Variants in AUTS2 observed in about 807,000 individuals in gnomAD.
The protein encoded by AUTS2 is activator of transcription and developmental regulator AUTS2.
A neutral mutation model predicts 112.4 loss-of-function variants in AUTS2; 17 were observed. The observed-to-expected ratio is 0.15, with a 90% confidence interval of 0.10 to 0.23. AUTS2 has a LOEUF of 0.23. Ranked by LOEUF, AUTS2 falls within the 10% of genes least tolerant of loss-of-function variation. AUTS2 has a pLI of 1.00. For synonymous variants in AUTS2, 751 were observed against 702.7 expected (o/e 1.07, Z -1.09); for missense variants, 1,510 against 1,701.6 (o/e 0.89, Z 1.98).
intron 4 of AUTS2, among the ~76,000 whole-genome samples, chr7:70,300,952 C>G (rs908111057): frequency 6.6e-6 from 1 of 152,182 alleles, no homozygotes; most frequent in African/African-American, 2.4e-5. Flanking sequence ...CCTTTTCAAG[C>G]TCTTAAGAGT....
chr7:70,481,745 A>G (rs1797796014), intron 5 of AUTS2, among the ~76,000 whole-genome samples: 1 of 152,194 alleles, frequency 6.6e-6, no homozygotes, highest in Admixed American at 6.5e-5. Context: ...TTGGGGTCCT[A>G]TCTGACGCCA....
chr7:70,427,193 G>A (rs997262147), intron 4 of AUTS2, among the ~76,000 whole-genome samples: 1 of 152,132 alleles, frequency 6.6e-6, no homozygotes, highest in African/African-American at 2.4e-5. Context: ...AGGCAAGTAC[G>A]GATTAATGCT....
intron 1 of AUTS2, among the ~76,000 whole-genome samples, chr7:69,722,483 A>G (rs373913268): frequency 5.3e-5 from 8 of 151,200 alleles, no homozygotes; most frequent in East Asian, 2.0e-4. Flanking sequence ...CTCAAACGCT[A>G]CCACACCCAG....
intron 2 of AUTS2, among the ~76,000 whole-genome samples, chr7:69,920,524 A>G (rs187031884): frequency 6.6e-6 from 1 of 152,086 alleles, no homozygotes; most frequent in Admixed American, 6.6e-5. Context: ...GAGCTCAGAG[A>G]ATCTACCTGC....
intron 1 of AUTS2, among the ~76,000 whole-genome samples, chr7:69,796,251 C>G (rs1789835593): frequency 1.3e-5 from 2 of 152,168 alleles, no homozygotes; most frequent in Non-Finnish European, 2.9e-5. Flanking sequence ...GGTGTGGTAA[C>G]TCACTCCTGT....
chr7:70,636,511 T>C (rs567163069), intron 5 of AUTS2, among the ~76,000 whole-genome samples: 9 of 152,334 alleles, frequency 5.9e-5, no homozygotes, highest in Admixed American at 1.3e-4. Flanking sequence ...CCCCCTCTTA[T>C]GGATACATTT....
chr7:70,494,591 A>C (rs1382760891), intron 5 of AUTS2, among the ~76,000 whole-genome samples: 1 of 146,670 alleles, frequency 6.8e-6, no homozygotes, highest in Non-Finnish European at 1.5e-5. Context: ...CCCGACACTC[A>C]GATCCCTTCA....
At chr7:69,972,752 A>C (rs1023144096) in intron 2 of AUTS2, among the ~76,000 whole-genome samples, 2 of 151,516 alleles carry the variant, frequency 1.3e-5, no homozygotes, top group African/African-American at 2.4e-5. Flanking sequence ...GGAAAAGACT[A>C]TTCTTTCTCC....
At chr7:70,689,320 G>A (rs1423491551) in intron 5 of AUTS2, among the ~76,000 whole-genome samples, 2 of 152,190 alleles carry the variant, frequency 1.3e-5, no homozygotes, top group East Asian at 3.9e-4. Flanking sequence ...GGTCGAGGCT[G>A]TAGTGAGCTG....
At chr7:69,755,575 G>C (rs1449307789) in intron 1 of AUTS2, among the ~76,000 whole-genome samples, 1 of 152,076 alleles carries the variant, frequency 6.6e-6, no homozygotes, top group Non-Finnish European at 1.5e-5. Context: ...TTTTTCCTGG[G>C]AATACTTGAG....
At chr7:70,769,005 C>G (rs144849548) in intron 10 of AUTS2, among the ~76,000 whole-genome samples, 1 of 151,204 alleles carries the variant, frequency 6.6e-6, no homozygotes, top group Non-Finnish European at 1.5e-5. Flanking sequence ...AGAAGTGCTA[C>G]TTTAATAGAT....
In AUTS2 at chr7:70,766,743, A is replaced by G. The variant is rs1032043787; in HGVS notation, c.1689+409A>G. Among the ~76,000 whole-genome samples, 5 of 152,282 alleles carry G rather than the reference A, an allele frequency of 3.3e-5. No individual in the cohort carries two copies. Among genetic ancestry groups the G allele is most frequent in the African/African-American group, 1.2e-4 (5 of 41,540 alleles). ...GCAGGGTAATGGGGGTGAAGAAGAG[A>G]GAAGAGAAGGGAGAGAGACCTCTGC... On this transcript the variant is annotated intron_variant, in intron 9 of 18. Coordinates refer to ENST00000342771, the MANE Select transcript of AUTS2 (RefSeq NM_015570.4). The surrounding 1 kb of genome is among the most constrained non-coding windows in gnomAD (Gnocchi z 4.8).
intron 13 of AUTS2, chr7:70,776,636 T>C (rs1256856269): frequency 6.0e-6 from 1 of 166,580 alleles, no homozygotes; most frequent in Non-Finnish European, 1.3e-5. Flanking sequence ...CACCACGGTC[T>C]TGGGGGAGGT....
chr7:69,699,208 A>T (rs1797691046), intron 1 of AUTS2, among the ~76,000 whole-genome samples: 1 of 152,140 alleles, frequency 6.6e-6, no homozygotes, highest in South Asian at 2.1e-4. Flanking sequence ...TTCATTTCTG[A>T]GTAGGTAATA....
rs1170346168 is a variant in AUTS2, at chr7:70,768,060, C to T, written c.1726C>T (p.Arg576Trp). Reference protein sequence around the residue: ...KYPTKVDPFYRHSLFHSYPPA... With the variant: ...KYPTKVDPFYWHSLFHSYPPA... ...CCCTACAAAAGTTGACCCATTCTAC[C>T]GGCACAGTGTGAGTTTCATTACCAT... The change falls in exon 10 of 19, where the codon CGG becomes TGG. Residue 576 changes from arginine to tryptophan, a missense_variant. By Grantham distance (101) the Arg-to-Trp change is moderately radical. This residue lies in a region of AUTS2 where 187 missense variants were observed against 309.7 expected (regional missense o/e 0.60). Coordinates refer to ENST00000342771, the MANE Select transcript of AUTS2 (RefSeq NM_015570.4). 3.7e-6 allele frequency: 6 copies of T among 1,603,750 alleles called. No homozygotes were observed. The highest frequency in any genetic ancestry group is 2.3e-5 in the East Asian group (1 of 44,394).
intron 4 of AUTS2, among the ~76,000 whole-genome samples, chr7:70,373,503 A>T (rs1792938904): frequency 6.6e-6 from 1 of 152,106 alleles, no homozygotes; most frequent in Non-Finnish European, 1.5e-5. Context: ...TTGTTTATAA[A>T]TGCAGGGGTA....
intron 1 of AUTS2, among the ~76,000 whole-genome samples, chr7:69,610,507 G>T (rs76882924): frequency 6.6e-6 from 1 of 152,342 alleles, no homozygotes; most frequent in East Asian, 1.9e-4. Flanking sequence ...TTTTGGTGGA[G>T]TGAGTCTCTT....
At chr7:69,845,615 T>G (rs989522421) in intron 1 of AUTS2, among the ~76,000 whole-genome samples, 22 of 152,202 alleles carry the variant, frequency 1.4e-4, no homozygotes, top group Middle Eastern at 3.4e-3. Context: ...AAGTTGGTAA[T>G]TTTGGCCTAT....
At chr7:70,098,041 G>T (rs996416281) in intron 2 of AUTS2, among the ~76,000 whole-genome samples, 1 of 152,164 alleles carries the variant, frequency 6.6e-6, no homozygotes, top group African/African-American at 2.4e-5. Context: ...TATTAGCTGG[G>T]TGTGAGCTAA....
Sources: allele counts gnomAD v4.1 joint callset (sites outside exome capture counted in the v4.1 genomes callset), GRCh38; gene constraint gnomAD v4.1.1; regional missense constraint gnomAD v4.1.1; non-coding constraint Gnocchi (gnomAD v3.1); transcripts MANE v1.5; gene names NCBI Gene and HGNC (gene_info 2026-07-23, HGNC 2026-07-21).